The following SCN3A variants were observed in gnomAD, a reference collection of about 807,000 sequenced individuals.
The protein encoded by SCN3A is sodium voltage-gated channel alpha subunit 3, also known as sodium channel protein type 3 subunit alpha.
A neutral mutation model predicts 187.6 loss-of-function variants in SCN3A; 60 were observed. That is an observed-to-expected ratio of 0.32 (90% CI 0.26 to 0.40). SCN3A has a LOEUF of 0.40. Among genes scored for constraint, SCN3A ranks in the 10% least tolerant of loss-of-function variants. The probability of loss-of-function intolerance (pLI) is 1.00; values close to 1 mark genes in which losing one functional copy is unlikely to be tolerated. For synonymous variants in SCN3A, 788 were observed against 829.2 expected (o/e 0.95, Z 0.85); for missense variants, 1,601 against 2,428.2 (o/e 0.66, Z 7.16).
intron 11 of SCN3A, among the ~76,000 whole-genome samples, chr2:165,150,984 CTT>C (rs1487718614): frequency 2.0e-5 from 3 of 151,908 alleles, no homozygotes; most frequent in Non-Finnish European, 2.9e-5. Flanking sequence ...GAATAAAACT[CTT>C]AAATAATTCA....
At chr2:165,159,691 G>T (rs1689245353) in intron 9 of SCN3A, among the ~76,000 whole-genome samples, 1 of 126,584 alleles carries the variant, frequency 7.9e-6, no homozygotes, top group South Asian at 2.6e-4. Context: ...TTTTAAATCA[G>T]ATATGTGCTT....
chr2:165,098,576 C>T lies in SCN3A; in HGVS notation c.3967-1052G>A, dbSNP rs143526307. ...TCTGGCTGGGCCCGTAAAGTCCCTT[C>T]CTCATCCCTCTTTTCCACTTATCAC... On this transcript the variant is annotated intron_variant, in intron 22 of 27. Coordinates refer to ENST00000283254, the MANE Select transcript of SCN3A (RefSeq NM_006922.4). Among the ~76,000 whole-genome samples the T allele has an allele frequency of 6.1e-3, 924 of 152,214 alleles. 19 individuals carry two copies. Among genetic ancestry groups the T allele is most frequent in the African/African-American group, 0.02 (832 of 41,528 alleles).
chr2:165,200,447 A>T (rs1189904042), intron 1 of SCN3A, among the ~76,000 whole-genome samples: 1 of 152,064 alleles, frequency 6.6e-6, no homozygotes, highest in Non-Finnish European at 1.5e-5. Flanking sequence ...GGTGAAAAAA[A>T]ATCTTTAAAT....
At chr2:165,122,675 G>A (rs1686766683) in intron 18 of SCN3A, 1 of 152,216 alleles carries the variant, frequency 6.6e-6, no homozygotes. Flanking sequence ...GCTGTGATGT[G>A]TCACACGATT....
chr2:165,171,152 A>T (rs1690079479), intron 3 of SCN3A, among the ~76,000 whole-genome samples: 1 of 152,042 alleles, frequency 6.6e-6, no homozygotes, highest in Non-Finnish European at 1.5e-5. Context: ...CTATGATCTG[A>T]AAGCTACAAT....
chr2:165,136,903 A>G (rs1687703480), intron 15 of SCN3A, among the ~76,000 whole-genome samples: 1 of 152,138 alleles, frequency 6.6e-6, no homozygotes, highest in African/African-American at 2.4e-5. Flanking sequence ...TCCTTCACGC[A>G]TGATTCCTCA....
At chr2:165,156,018 C>T in intron 9 of SCN3A, 115 bp from the exon 10 acceptor site, 1 of 1,289,664 alleles carries the variant, frequency 7.8e-7, no homozygotes, top group African/African-American at 1.5e-5. Context: ...AATTATCTTG[C>T]TTTAATTTCC....
rs931284554 is a variant in SCN3A, at chr2:165,090,039, T to C, written c.*111A>G. 2.2e-5 allele frequency: 33 copies of C among 1,477,080 alleles called. No individual in the cohort carries two copies. Among genetic ancestry groups the C allele is most frequent in the Non-Finnish European group, 2.8e-5 (31 of 1,097,532 alleles). 91.5% of individuals were successfully genotyped at this position (1,477,080 alleles called of 1,614,324 possible). Reference sequence around the variant, plus strand: ...TGTATAGGCACTGACTATGAGTATTTGTTAAAACAGTCAGTTTGGCATGGA... The same window carrying C: ...TGTATAGGCACTGACTATGAGTATTCGTTAAAACAGTCAGTTTGGCATGGA... On this transcript the variant is annotated 3_prime_UTR_variant, in exon 28 of 28. Coordinates refer to ENST00000283254, the MANE Select transcript of SCN3A (RefSeq NM_006922.4). This position sits in a 1 kb window ranked among gnomAD's most constrained non-coding sequence, Gnocchi z 4.0.
At chr2:165,168,559 A>C (rs1689918159) in intron 5 of SCN3A, among the ~76,000 whole-genome samples, 177 bp downstream of exon 5, 2 of 152,010 alleles carry the variant, frequency 1.3e-5, no homozygotes, top group South Asian at 4.1e-4. Context: ...TTGTTGGAAA[A>C]ATACTTACCT....
In SCN3A at chr2:165,090,161, T is replaced by A; in HGVS notation, c.5992A>T (p.Asn1998Tyr). 1 of 1,582,070 alleles carries A rather than the reference T, an allele frequency of 6.3e-7. No individual in the cohort carries two copies. The highest frequency in any genetic ancestry group is 8.6e-7 in the Non-Finnish European group (1 of 1,159,808). The change falls in exon 28 of 28, where the codon AAT becomes TAT. Residue 1998 changes from asparagine (N) to tyrosine (Y), a missense_variant. Around this residue, in one of 11 missense-constraint regions of SCN3A, gnomAD observed 87 missense variants for 89.2 expected, o/e 0.98. Transcript: ENST00000283254. The surrounding 1 kb of genome is among the most constrained non-coding windows in gnomAD (Gnocchi z 4.0). ...KESKGKEVRE[N>Y]QK Reference sequence around the variant, plus strand: ...TTCTTTGTTTCTTTTTACTTTTGATTTTCTCTGACCTCTTTTCCTTTGCTT... The same window carrying A: ...TTCTTTGTTTCTTTTTACTTTTGATATTCTCTGACCTCTTTTCCTTTGCTT...
Position 165,097,370 on chromosome 2 carries a change from T to A in SCN3A, c.4121A>T (p.Asp1374Val), listed in dbSNP as rs377507565. ...CVNMTTGNMF[D>V]ISDVNNLSDC... ...ACTCAAATTGTTAACATCACTAATG[T>A]CAAACATGTTACCCGTTGTCATGTT... The change falls in exon 23 of 28, where the codon GAC becomes GTC. Residue 1374 changes from aspartate (D) to valine (V), a missense_variant. Transcript: ENST00000283254. 1.9e-6 allele frequency: 3 copies of A among 1,613,904 alleles called. No homozygotes were observed. In the African/African-American group the frequency reaches 4.0e-5, roughly 22 times the overall value.
At chr2:165,201,242 C>T (rs1692299156) in intron 1 of SCN3A, among the ~76,000 whole-genome samples, 2 of 151,942 alleles carry the variant, frequency 1.3e-5, no homozygotes, top group African/African-American at 4.8e-5. Flanking sequence ...CCAGGAATTG[C>T]CTGGAATGTT....
In SCN3A at chr2:165,176,212, A is replaced by G. The variant is rs1271730923; in HGVS notation, c.183T>C (p.Leu61=). 5 of 1,613,966 alleles carry G rather than the reference A, an allele frequency of 3.1e-6. No individual in the cohort carries two copies. In the Admixed American group the frequency reaches 6.7e-5, roughly 22 times the overall value. Residue 61 remains leucine, a synonymous_variant, in exon 3 of 28, where the codon CTT becomes CTC. Coordinates refer to ENST00000283254, the MANE Select transcript of SCN3A (RefSeq NM_006922.4). ...PNSDLEAGKN[L]PFIYGDIPPE... ...GAGGAATGTCTCCATAAATAAATGG[A>G]AGGTTCTTTCCAGCTTCCAAGTCAC...
chr2:165,133,031 A>G (rs1420587012), intron 15 of SCN3A, among the ~76,000 whole-genome samples: 1 of 152,244 alleles, frequency 6.6e-6, no homozygotes, highest in Non-Finnish European at 1.5e-5. Context: ...ACATGAAAAA[A>G]TGCTCACCAT....
At chr2:165,139,372 A>T in intron 14 of SCN3A, 104 bp downstream of exon 14, 1 of 1,466,492 alleles carries the variant, frequency 6.8e-7, no homozygotes, top group Non-Finnish European at 9.5e-7. Context: ...TCTAATATAT[A>T]GTTTCGATCT....
Position 165,170,444 on chromosome 2 carries a change from C to T in SCN3A, c.369G>A (p.Lys123=). Reference sequence around the variant, plus strand: ...TAAAAGGATATGAATGTACCAAAATCTTGATAGCAATTTTCCTAACAGGGT... The same window carrying T: ...TAAAAGGATATGAATGTACCAAAATTTTGATAGCAATTTTCCTAACAGGGT... ...PLNPVRKIAI[K]ILVHSLFSML... The change falls in exon 4 of 28, where the codon AAG becomes AAA. Residue 123 remains lysine, a synonymous_variant. Coordinates refer to ENST00000283254, the MANE Select transcript of SCN3A (RefSeq NM_006922.4). 6.3e-7 allele frequency: 1 copy of T among 1,599,230 alleles called. No homozygotes were observed. The highest frequency in any genetic ancestry group is 8.6e-7 in the Non-Finnish European group (1 of 1,167,174).
At chr2:165,122,239 C>CT (rs1286913407) in intron 18 of SCN3A, among the ~76,000 whole-genome samples, 50,928 of 128,690 alleles carry the variant, frequency 0.4, 10,026 homozygotes, top group East Asian at 0.51. Flanking sequence ...TCTTTTTTTT[C>CT]TTTTTTTTTT....
At position 165,131,257 on chromosome 2, in the gene SCN3A, C is replaced by T. The variant is rs897312933; in HGVS notation, c.2552G>A (p.Arg851Gln). The T allele has an allele frequency of 1.3e-6, 2 of 1,590,954 alleles. No homozygotes were observed. The highest frequency in any genetic ancestry group is 1.7e-6 in the Non-Finnish European group (2 of 1,166,252). Residue 851 changes from arginine (R) to glutamine (Q), a missense_variant, in exon 16 of 28, where the codon CGA (arginine) becomes CAA (glutamine). Around this residue, in one of 11 missense-constraint regions of SCN3A, gnomAD observed 91 missense variants for 207.0 expected, o/e 0.44. Transcript: ENST00000283254. ...LSNVEGLSVL[R>Q]SFRLLRVFKL... ...ATAAATAGATACCAGTCTGAATGAT[C>T]GCAGTACAGACAATCCCTCCACATT...
chr2:165,187,036 C>T (rs1691288089), intron 1 of SCN3A, among the ~76,000 whole-genome samples: 1 of 152,154 alleles, frequency 6.6e-6, no homozygotes, highest in Non-Finnish European at 1.5e-5. Context: ...TGCTGGCACT[C>T]CTGAGCATCC....
Sources: allele counts gnomAD v4.1 joint callset (sites outside exome capture counted in the v4.1 genomes callset), GRCh38; gene constraint gnomAD v4.1.1; regional missense constraint gnomAD v4.1.1; non-coding constraint Gnocchi (gnomAD v3.1); transcripts MANE v1.5; gene names NCBI Gene and HGNC (gene_info 2026-07-23, HGNC 2026-07-21).